The following STIM2 variants were observed in gnomAD, a reference collection of about 807,000 sequenced individuals.
The protein encoded by STIM2 is stromal interaction molecule 2.
In STIM2, 31 loss-of-function variants were observed where a neutral mutation model predicts 85.8. The observed-to-expected ratio is 0.36, with a 90% CI of 0.27 to 0.49. The LOEUF (loss-of-function observed/expected upper bound fraction) is 0.49. STIM2 is among the 20% of genes least tolerant of loss of function. STIM2 has a pLI of 0.98. For synonymous variants in STIM2, 356 were observed against 331.1 expected (o/e 1.08, Z -0.82); for missense variants, 841 against 927.6 (o/e 0.91, Z 1.21).
At chr4:26,993,007 AAAT>A in intron 3 of STIM2, among the ~76,000 whole-genome samples, 1 of 151,926 alleles carries the variant, frequency 6.6e-6, no homozygotes, top group Non-Finnish European at 1.5e-5. Context: ...GACTTACTGG[AAAT>A]TGTGGGATGA....
intron 1 of STIM2, among the ~76,000 whole-genome samples, chr4:26,911,103 G>C (rs974531066): frequency 5.3e-5 from 8 of 152,002 alleles, no homozygotes; most frequent in Non-Finnish European, 1.0e-4. Context: ...CAGGCGTGGT[G>C]GTGGGCGCCT....
chr4:26,929,695 A>G (rs1018674553), intron 2 of STIM2, among the ~76,000 whole-genome samples: 1 of 151,834 alleles, frequency 6.6e-6, no homozygotes, highest in Admixed American at 6.6e-5. Flanking sequence ...TATTTTTATA[A>G]TTTATTTAAT....
At position 26,880,018 on chromosome 4, in the gene STIM2, C is replaced by G. The variant is rs1031907248; in HGVS notation, c.151+18649C>G. Among the ~76,000 whole-genome samples the G allele has an allele frequency of 2.0e-5, 3 of 152,202 alleles. No individual in the cohort carries two copies. The East Asian group carries it at 5.8e-4, about 29-fold the overall frequency. On this transcript the variant is annotated intron_variant, in intron 1 of 11. Transcript: ENST00000467087. ...CATTCTTTACCTTCTGCAGTCTAAT[C>G]TCAGAAGTACACATAAGATAATTTT... is the stretch of plus-strand genomic sequence containing the variant.
intron 8 of STIM2, 79 bp from the exon 9 acceptor site, chr4:27,008,349 A>G: frequency 1.2e-6 from 1 of 816,334 alleles, no homozygotes; most frequent in Non-Finnish European, 1.8e-6. Context: ...AAACCAAAAC[A>G]AACTTTATTA....
intron 3 of STIM2, among the ~76,000 whole-genome samples, chr4:26,989,100 A>C (rs1345415495): frequency 6.6e-6 from 1 of 152,068 alleles, no homozygotes; most frequent in African/African-American, 2.4e-5. Flanking sequence ...ATGCCTGGCT[A>C]ATTTTTGTAT....
At chr4:26,963,641 A>G (rs1726568318) in intron 3 of STIM2, among the ~76,000 whole-genome samples, 1 of 152,224 alleles carries the variant, frequency 6.6e-6, no homozygotes, top group African/African-American at 2.4e-5. Flanking sequence ...TAGCAATTCA[A>G]GAAGGTTTGA....
intron 2 of STIM2, among the ~76,000 whole-genome samples, chr4:26,953,401 A>G (rs1317584220): frequency 6.6e-6 from 1 of 152,126 alleles, no homozygotes; most frequent in Admixed American, 6.6e-5. Context: ...AACCTTATGT[A>G]GTAGACAATT....
intron 1 of STIM2, among the ~76,000 whole-genome samples, chr4:26,881,311 C>T (rs934522647): frequency 1.3e-5 from 2 of 151,930 alleles, no homozygotes; most frequent in African/African-American, 2.4e-5. Flanking sequence ...ACTAAAAATA[C>T]AAAAATTAGC....
intron 1 of STIM2, among the ~76,000 whole-genome samples, chr4:26,895,678 C>T (rs931514008): frequency 2.6e-5 from 4 of 152,134 alleles, no homozygotes; most frequent in Admixed American, 1.3e-4. Context: ...GAGTTGCAGT[C>T]CCAAACCATG....
At chr4:26,950,882 A>G (rs1195155619) in intron 2 of STIM2, among the ~76,000 whole-genome samples, 2 of 152,118 alleles carry the variant, frequency 1.3e-5, no homozygotes, top group Admixed American at 6.6e-5. Flanking sequence ...ATGAAAATGT[A>G]CATTAGAAGC....
intron 3 of STIM2, among the ~76,000 whole-genome samples, chr4:26,958,837 C>T (rs1471332704): frequency 6.6e-6 from 1 of 152,100 alleles, no homozygotes; most frequent in East Asian, 1.9e-4. Flanking sequence ...CGACATAGCT[C>T]AGCAATCCAT....
intron 3 of STIM2, among the ~76,000 whole-genome samples, chr4:26,977,312 G>T (rs1727237045): frequency 6.6e-6 from 1 of 152,200 alleles, no homozygotes; most frequent in African/African-American, 2.4e-5. Flanking sequence ...GACAGGGACA[G>T]ATCTCATAGG....
intron 2 of STIM2, among the ~76,000 whole-genome samples, chr4:26,944,361 C>T (rs1274739588): frequency 3.3e-5 from 5 of 152,048 alleles, no homozygotes; most frequent in Non-Finnish European, 7.4e-5. Flanking sequence ...TTACTTGCTT[C>T]GAGTAACAAT....
intron 11 of STIM2, chr4:27,019,682 A>AC: frequency 6.1e-6 from 2 of 325,998 alleles, no homozygotes; most frequent in South Asian, 5.2e-5. Context: ...ATATTTACTG[A>AC]TTTTTTTTTT....
intron 1 of STIM2, among the ~76,000 whole-genome samples, chr4:26,880,365 C>A (rs902291730): frequency 2.6e-5 from 4 of 151,848 alleles, no homozygotes; most frequent in African/African-American, 7.3e-5. Flanking sequence ...TCTTTGCTGT[C>A]CCTGATAAAC....
intron 1 of STIM2, among the ~76,000 whole-genome samples, chr4:26,862,042 G>C (rs1169524290): frequency 6.6e-6 from 1 of 152,084 alleles, no homozygotes; most frequent in East Asian, 1.9e-4. Context: ...CAGGTAACCA[G>C]AAATTATACC....
At chr4:26,999,490 A>G (rs1483391779) in intron 5 of STIM2, 143 bp downstream of exon 5, 3 of 353,086 alleles carry the variant, frequency 8.5e-6, no homozygotes, top group Non-Finnish European at 1.5e-5. Context: ...TACTACCTTA[A>G]AAGATTTATA....
chr4:26,912,959 C>T (rs1380060660), intron 1 of STIM2, among the ~76,000 whole-genome samples: 1 of 152,108 alleles, frequency 6.6e-6, no homozygotes, highest in Non-Finnish European at 1.5e-5. Context: ...TATTCTTGCC[C>T]TCCACAACAC....
At chr4:26,964,276 A>T (rs192250361) in intron 3 of STIM2, among the ~76,000 whole-genome samples, 1 of 152,132 alleles carries the variant, frequency 6.6e-6, no homozygotes, top group South Asian at 2.1e-4. Context: ...CTTGGTCTGT[A>T]TCTGTCTTGA....
Sources: gnomAD v4.1 joint callset for allele counts (sites outside exome capture counted in the v4.1 genomes callset) on GRCh38, gnomAD v4.1.1 for gene constraint, MANE v1.5 for transcripts, NCBI Gene and HGNC (gene_info 2026-07-23, HGNC 2026-07-21) for gene names.